Variants in SYT14 observed in about 807,000 individuals in gnomAD.
SYT14 encodes the protein synaptotagmin-14.
In SYT14, 32 loss-of-function variants were observed where a neutral mutation model predicts 74.2. The ratio of observed to expected loss-of-function variants is 0.43; its 90% CI spans 0.33 to 0.58. The LOEUF (loss-of-function observed/expected upper bound fraction) is 0.58. Among genes scored for constraint, SYT14 ranks in the 20% least tolerant of loss-of-function variants. The probability of loss-of-function intolerance (pLI) is 0.05; values close to 1 mark genes in which losing one functional copy is unlikely to be tolerated. For missense variants in SYT14, 791 were observed against 981.8 expected, an observed-to-expected ratio of 0.81 and a Z score of 2.60; for synonymous variants, 298 against 337.7, an observed-to-expected ratio of 0.88 and a Z score of 1.29.
intron 7 of SYT14, among the ~76,000 whole-genome samples, chr1:210,148,157 G>A (rs548359916): frequency 6.6e-6 from 1 of 152,174 alleles, no homozygotes; most frequent in Admixed American, 6.5e-5. Context: ...AAATACTTAC[G>A]CACAAACACA....
At chr1:210,138,348 A>T (rs2082835491) in intron 7 of SYT14, among the ~76,000 whole-genome samples, 1 of 152,142 alleles carries the variant, frequency 6.6e-6, no homozygotes. Context: ...CACCCCCATG[A>T]TTCAATTACC....
chr1:210,116,546 C>T (rs1280376811), intron 7 of SYT14, among the ~76,000 whole-genome samples: 3 of 152,236 alleles, frequency 2.0e-5, no homozygotes, highest in South Asian at 4.1e-4. Flanking sequence ...GGGGTTTCAC[C>T]ATGTTGGCCA....
intron 5 of SYT14, among the ~76,000 whole-genome samples, chr1:210,024,919 G>T (rs533023497): frequency 6.6e-6 from 1 of 150,836 alleles, no homozygotes; most frequent in African/African-American, 2.5e-5. Context: ...AAACCCCTTT[G>T]TCCAGTAGAA....
intron 2 of SYT14, among the ~76,000 whole-genome samples, chr1:209,957,185 T>A (rs1473837167): frequency 6.6e-6 from 1 of 152,160 alleles, no homozygotes; most frequent in East Asian, 1.9e-4. Context: ...ATTTTCAGAT[T>A]TAACATGGAC....
intron 2 of SYT14, among the ~76,000 whole-genome samples, chr1:209,981,450 C>CTTTTTTTT (rs1183885685): frequency 2.4e-4 from 24 of 99,082 alleles, no homozygotes; most frequent in Non-Finnish European, 3.8e-4. Context: ...TTTTTCTTTT[C>CTTTTTTTT]TTTTTTTTTT....
chr1:210,025,761 A>G (rs1352031411), intron 5 of SYT14, among the ~76,000 whole-genome samples: 2 of 152,084 alleles, frequency 1.3e-5, no homozygotes, highest in Admixed American at 1.3e-4. Context: ...GTCATATTTA[A>G]TTTTCATTGC....
rs773697289 is a variant in SYT14, at chr1:210,155,708, T to C, written c.2035-13T>C. On this transcript the variant is annotated splice_polypyrimidine_tract_variant and intron_variant, in intron 7 of 9. Coordinates refer to ENST00000637265, the Ensembl canonical transcript of SYT14. The stretch of plus-strand genomic sequence containing the variant: ...CTTGCAAAATACTATAAAAATGTTA[T>C]TATTGATTACAGGGCTGTGACTCCC... 1.2e-6 allele frequency: 2 copies of C among 1,613,670 alleles called. No individual in the cohort carries two copies. Among genetic ancestry groups the C allele is most frequent in the East Asian group, 2.2e-5 (1 of 44,852 alleles).
At chr1:210,121,585 G>C (rs544746719) in intron 7 of SYT14, among the ~76,000 whole-genome samples, 2 of 152,066 alleles carry the variant, frequency 1.3e-5, no homozygotes, top group Non-Finnish European at 2.9e-5. Context: ...ACAAGGTCAG[G>C]AGATTGAGAC....
Position 210,067,396 on chromosome 1 carries a change from A to G in SYT14, c.1313-26926A>G, listed in dbSNP as rs1039371995. On this transcript the variant is annotated intron_variant, in intron 5 of 9. Coordinates refer to ENST00000637265, the Ensembl canonical transcript of SYT14. ...GTAGATTACTTTGGAGGATATTGCC[A>G]TCTTAATATTAAGTCTTCTAATTCA... Among the ~76,000 whole-genome samples the G allele has an allele frequency of 2.6e-5, 4 of 152,078 alleles. No individual in the cohort carries two copies. The South Asian group carries it at 8.3e-4, about 31-fold the overall frequency.
chr1:209,994,784 C>T (rs935762272), intron 2 of SYT14, among the ~76,000 whole-genome samples: 5 of 152,172 alleles, frequency 3.3e-5, no homozygotes, highest in African/African-American at 1.2e-4. Flanking sequence ...AGGTTAGCAG[C>T]AGACCTCTCA....
At chr1:210,080,080 C>T (rs2081589928) in intron 5 of SYT14, among the ~76,000 whole-genome samples, 1 of 152,068 alleles carries the variant, frequency 6.6e-6, no homozygotes, top group South Asian at 2.1e-4. Context: ...GTGAAGTTTT[C>T]TGAGGAATAC....
chr1:210,096,878 G>A (rs961364585), intron 6 of SYT14, among the ~76,000 whole-genome samples: 1 of 152,174 alleles, frequency 6.6e-6, no homozygotes, highest in South Asian at 2.1e-4. Context: ...TTTGGCATAT[G>A]TTACAAGTTA....
intron 2 of SYT14, among the ~76,000 whole-genome samples, chr1:209,955,736 G>A (rs1006069768): frequency 3.3e-5 from 5 of 152,108 alleles, no homozygotes; most frequent in Admixed American, 6.5e-5. Flanking sequence ...GTATCAACTC[G>A]GAGTCCAAAA....
intron 7 of SYT14, 36 bp downstream of exon 6, chr1:210,100,497 T>C: frequency 6.3e-7 from 1 of 1,591,490 alleles, no homozygotes; most frequent in East Asian, 2.2e-5. Context: ...ATACAGTTTA[T>C]GTTCATGGTT....
chr1:210,123,031 T>C (rs527630451), intron 7 of SYT14, among the ~76,000 whole-genome samples: 3 of 152,220 alleles, frequency 2.0e-5, no homozygotes, highest in Non-Finnish European at 2.9e-5. Flanking sequence ...AAAAATATTA[T>C]TGAATGTGAA....
chr1:210,075,203 C>T (rs4844943), intron 5 of SYT14, among the ~76,000 whole-genome samples: 7,599 of 152,234 alleles, frequency 0.05, 1,044 homozygotes, highest in East Asian at 0.42. Context: ...TGCCAGCTGA[C>T]GTGTGCTCTT....
intron 2 of SYT14, among the ~76,000 whole-genome samples, chr1:210,005,370 ACT>A (rs1277072894): frequency 1.3e-5 from 2 of 151,914 alleles, no homozygotes; most frequent in Admixed American, 1.3e-4. Flanking sequence ...CTTATCTAAA[ACT>A]GTAGTTGACA....
intron 5 of SYT14, among the ~76,000 whole-genome samples, chr1:210,083,260 G>C (rs2081651628): frequency 6.6e-6 from 1 of 152,164 alleles, no homozygotes. Flanking sequence ...CCAGAGAGCT[G>C]GGATACAGGC....
At chr1:209,940,504 A>G (rs906909399) in intron 1 of SYT14, among the ~76,000 whole-genome samples, 1 of 152,160 alleles carries the variant, frequency 6.6e-6, no homozygotes, top group Non-Finnish European at 1.5e-5. Flanking sequence ...TAAACATGCA[A>G]TTACAGTGTA....
Sources: allele counts gnomAD v4.1 joint callset (sites outside exome capture counted in the v4.1 genomes callset), GRCh38; gene constraint gnomAD v4.1.1; transcripts MANE v1.5; gene names NCBI Gene and HGNC (gene_info 2026-07-23, HGNC 2026-07-21).